The following PLPPR5 variants were observed in gnomAD, a reference collection of about 807,000 sequenced individuals.
PLPPR5 encodes the protein phospholipid phosphatase related 5, also known as phospholipid phosphatase-related protein type 5.
A neutral mutation model predicts 33.9 loss-of-function variants in PLPPR5; 16 were observed. The ratio of observed to expected loss-of-function variants is 0.47; its 90% confidence interval spans 0.32 to 0.72. The LOEUF (loss-of-function observed/expected upper bound fraction) is 0.72. PLPPR5 is among the 30% of genes least tolerant of loss of function. PLPPR5 has a pLI of 0.03. For missense variants in PLPPR5, 301 were observed against 406.7 expected (o/e 0.74, Z 2.23); for synonymous variants, 163 against 150.3 (o/e 1.08, Z -0.62).
intron 1 of PLPPR5, among the ~76,000 whole-genome samples, chr1:98,985,953 G>A (rs933707252): frequency 2.6e-5 from 4 of 151,986 alleles, no homozygotes; most frequent in African/African-American, 9.7e-5. Flanking sequence ...TTTTGAGGTG[G>A]CATTTCCTGA....
intron 3 of PLPPR5, among the ~76,000 whole-genome samples, chr1:98,922,719 C>T (rs1649612540): frequency 6.6e-6 from 1 of 152,174 alleles, no homozygotes; most frequent in Non-Finnish European, 1.5e-5. Flanking sequence ...GGCGCGGTGG[C>T]TCACTCCTGT....
At chr1:98,931,523 T>A (rs934418371) in intron 3 of PLPPR5, among the ~76,000 whole-genome samples, 1 of 152,178 alleles carries the variant, frequency 6.6e-6, no homozygotes, top group African/African-American at 2.4e-5. Context: ...CTAACAAAGA[T>A]GCTATTAATA....
chr1:98,914,204 G>A (rs1322533833), intron 5 of PLPPR5, among the ~76,000 whole-genome samples: 1 of 152,156 alleles, frequency 6.6e-6, no homozygotes, highest in African/African-American at 2.4e-5. Flanking sequence ...AGTACACAAT[G>A]TTCCTTATTT....
At chr1:98,986,166 A>C (rs972688874) in intron 1 of PLPPR5, among the ~76,000 whole-genome samples, 1 of 152,096 alleles carries the variant, frequency 6.6e-6, no homozygotes, top group Non-Finnish European at 1.5e-5. Flanking sequence ...AGTCATTTCT[A>C]AGTTAGCTAT....
At chr1:99,001,113 A>G (rs1652823888) in intron 1 of PLPPR5, among the ~76,000 whole-genome samples, 1 of 151,220 alleles carries the variant, frequency 6.6e-6, no homozygotes, top group Admixed American at 6.6e-5. Flanking sequence ...AAGATTACAC[A>G]GCAAGTAGAG....
At chr1:98,898,352 A>G (rs1648560956) in intron 5 of PLPPR5, among the ~76,000 whole-genome samples, 1 of 152,204 alleles carries the variant, frequency 6.6e-6, no homozygotes, top group African/African-American at 2.4e-5. Flanking sequence ...CATAGCCTAC[A>G]TTGCATCAGG....
In PLPPR5 at chr1:98,903,080, T is replaced by C. The variant is rs149862333; in HGVS notation, c.934-9976A>G. Among the ~76,000 whole-genome samples, 147 of 152,246 alleles carry C rather than the reference T, an allele frequency of 9.7e-4. No homozygotes were observed. The East Asian group carries it at 0.014, about 15-fold the overall frequency. ...GTGCCAGTATTTTCAACCTAAAATG[T>C]TGATGCCTGTTGGAAATTTTTAAGC... is the stretch of plus-strand genomic sequence containing the variant. On this transcript the variant is annotated intron_variant, in intron 5 of 5. Coordinates refer to ENST00000263177, the MANE Select transcript of PLPPR5 (RefSeq NM_001037317.2).
intron 5 of PLPPR5, among the ~76,000 whole-genome samples, chr1:98,902,459 C>G (rs1648730981): frequency 6.6e-6 from 1 of 152,036 alleles, no homozygotes; most frequent in African/African-American, 2.4e-5. Context: ...TAAATATATG[C>G]AAATTATTTA....
Position 99,004,450 on chromosome 1 carries a change from C to T in PLPPR5, c.222G>A (p.Gly74=), listed in dbSNP as rs1403750677. 7 of 1,605,784 alleles carry T rather than the reference C, an allele frequency of 4.4e-6. No homozygotes were observed. Among genetic ancestry groups the T allele is most frequent in the Non-Finnish European group, 5.1e-6 (6 of 1,176,082 alleles). ...PPVLLYSLAA[G]VPVLVIIVGE... Reference sequence around the variant, plus strand: ...CCGGGCTTACCACGAGCACGGGGACCCCGGCGGCCAGCGAGTAGAGGAGCA... The same window carrying T: ...CCGGGCTTACCACGAGCACGGGGACTCCGGCGGCCAGCGAGTAGAGGAGCA... Residue 74 remains glycine (G), a synonymous_variant, in exon 1 of 6, where the codon GGG becomes GGA. Transcript: ENST00000263177.
At chr1:98,919,939 C>T (rs1649484604) in intron 4 of PLPPR5, among the ~76,000 whole-genome samples, 1 of 152,122 alleles carries the variant, frequency 6.6e-6, no homozygotes, top group Non-Finnish European at 1.5e-5. Flanking sequence ...TTAAATAACA[C>T]ACCTATAGGC....
At chr1:98,969,393 G>T (rs757254057) in intron 1 of PLPPR5, among the ~76,000 whole-genome samples, 2 of 151,982 alleles carry the variant, frequency 1.3e-5, no homozygotes, top group Non-Finnish European at 2.9e-5. Context: ...ATAAAAGAGA[G>T]CAAATATTAA....
chr1:98,917,205 TC>T (rs1260561415), intron 4 of PLPPR5, among the ~76,000 whole-genome samples: 1 of 152,154 alleles, frequency 6.6e-6, no homozygotes, highest in Non-Finnish European at 1.5e-5. Context: ...CTTGAATTAA[TC>T]CTTTACACCT....
At chr1:98,921,433 T>C (rs1324247984) in intron 4 of PLPPR5, among the ~76,000 whole-genome samples, 1 of 152,158 alleles carries the variant, frequency 6.6e-6, no homozygotes, top group Admixed American at 6.6e-5. Context: ...TTTGGGATTC[T>C]CTCAATACCC....
At chr1:98,910,397 G>A (rs1321798487) in intron 5 of PLPPR5, among the ~76,000 whole-genome samples, 1 of 152,122 alleles carries the variant, frequency 6.6e-6, no homozygotes, top group Non-Finnish European at 1.5e-5. Flanking sequence ...CAGGCCTCTT[G>A]GAAATGAAGT....
At chr1:98,978,640 G>A (rs1025842587) in intron 1 of PLPPR5, among the ~76,000 whole-genome samples, 4 of 152,044 alleles carry the variant, frequency 2.6e-5, no homozygotes, top group Non-Finnish European at 4.4e-5. Context: ...CAGATTACAT[G>A]ATGGTTTTTT....
chr1:98,893,141 T>C (rs756378973), intron 5 of PLPPR5, 37 bp from the exon 6 acceptor site: 22 of 1,600,330 alleles, frequency 1.4e-5, no homozygotes, highest in Non-Finnish European at 1.8e-5. Flanking sequence ...GTGAGAGGCT[T>C]GGGAACATTA....
chr1:98,972,208 G>A lies in PLPPR5; in HGVS notation c.238-15467C>T, dbSNP rs1033671550. ...ATCACAATTTTTTAACCAATTGTTT[G>A]TCACATTTCACAGCTGGCAGATATC... On this transcript the variant is annotated intron_variant, in intron 1 of 5. Transcript: ENST00000263177. Among the ~76,000 whole-genome samples the A allele has an allele frequency of 1.1e-3, 165 of 152,134 alleles. 3 individuals are homozygous for A. The highest frequency in any genetic ancestry group is 3.9e-3 in the African/African-American group (162 of 41,540).
chr1:98,986,672 C>T (rs1056628865), intron 1 of PLPPR5, among the ~76,000 whole-genome samples: 15 of 151,736 alleles, frequency 9.9e-5, no homozygotes, highest in Non-Finnish European at 2.1e-4. Flanking sequence ...GAAGACGAAT[C>T]TTGTGAAAAG....
chr1:98,981,388 C>A (rs1652059238), intron 1 of PLPPR5, among the ~76,000 whole-genome samples: 1 of 152,048 alleles, frequency 6.6e-6, no homozygotes, highest in Non-Finnish European at 1.5e-5. Flanking sequence ...GTTCCTTCAA[C>A]CTACCAAGCT....
Sources: allele counts gnomAD v4.1 joint callset (sites outside exome capture counted in the v4.1 genomes callset), GRCh38; gene constraint gnomAD v4.1.1; transcripts MANE v1.5; gene names NCBI Gene and HGNC (gene_info 2026-07-23, HGNC 2026-07-21).